Variants in SATB1 observed in about 807,000 individuals in gnomAD.
SATB1 encodes the protein DNA-binding protein SATB1.
Under a neutral mutation model 86.9 loss-of-function variants are expected in SATB1, and 11 were observed. The observed-to-expected ratio is 0.13, with a 90% CI of 0.08 to 0.21. SATB1 has a LOEUF of 0.21. Among genes scored for constraint, SATB1 ranks in the 10% least tolerant of loss-of-function variants. The pLI is 1.00. For synonymous variants in SATB1, 357 were observed against 357.2 expected (o/e 1.00, Z 0.01); for missense variants, 551 against 937.6 (o/e 0.59, Z 5.39).
chr3:18,374,143 C>CA (rs1475927208), intron 9 of SATB1, among the ~76,000 whole-genome samples: 2 of 152,134 alleles, frequency 1.3e-5, no homozygotes, highest in Non-Finnish European at 2.9e-5. Context: ...ATTCAGTATA[C>CA]AAGGCAAGGC....
chr3:18,401,297 A>T (rs1006030312), intron 5 of SATB1, among the ~76,000 whole-genome samples: 10 of 152,196 alleles, frequency 6.6e-5, no homozygotes, highest in African/African-American at 2.2e-4. Flanking sequence ...ACATAATAGC[A>T]GCTTAACTAT....
At chr3:18,357,233 A>C (rs1045380550) in intron 9 of SATB1, among the ~76,000 whole-genome samples, 1 of 151,902 alleles carries the variant, frequency 6.6e-6, no homozygotes, top group Non-Finnish European at 1.5e-5. Context: ...ATATTAAAAG[A>C]AATCAATCTA....
intron 5 of SATB1, among the ~76,000 whole-genome samples, chr3:18,401,986 T>C (rs937287072): frequency 2.0e-5 from 3 of 152,160 alleles, no homozygotes; most frequent in Admixed American, 6.6e-5. Flanking sequence ...GGGTGGAATT[T>C]TTCTAAAGCC....
At chr3:18,365,690 T>A (rs774174594) in intron 9 of SATB1, among the ~76,000 whole-genome samples, 25 of 152,148 alleles carry the variant, frequency 1.6e-4, no homozygotes, top group Non-Finnish European at 2.8e-4. Flanking sequence ...CTGATAACTT[T>A]ATATTATATG....
upstream of SATB1, among the ~76,000 whole-genome samples, chr3:18,425,816 A>AGGGAGGAGGGGCAGGACGGGCAGGAC (rs1698673773): frequency 1.6e-5 from 1 of 63,424 alleles, no homozygotes; most frequent in African/African-American, 6.1e-5. Context: ...TGTGAGTGGG[A>AGGGAGGAGGGGCAGGACGGGCAGGAC]GGGAGGAGGG....
chr3:18,398,341 T>C (rs923673934), intron 5 of SATB1, among the ~76,000 whole-genome samples: 5 of 152,122 alleles, frequency 3.3e-5, no homozygotes, highest in African/African-American at 1.2e-4. Context: ...TACCGAGTCT[T>C]AGGAGTAAGA....
In SATB1 at chr3:18,416,018, A is replaced by T. The variant is rs779139686; in HGVS notation, c.504T>A (p.Ile168=). The change falls in exon 4 of 11, where the codon ATT becomes ATA. Residue 168 remains isoleucine (I), a synonymous_variant. Transcript: ENST00000338745. ...QDVYHVVTLK[I]QLHSCPKLED... The stretch of plus-strand genomic sequence containing the variant: ...CTGTCTTGACTCACCTGTGTAACTG[A>T]ATTTTCAATGTGACCACATGATACA... 11 of 1,602,958 alleles carry T rather than the reference A, an allele frequency of 6.9e-6. No individual in the cohort carries two copies. The Admixed American group carries it at 1.9e-4, about 27-fold the overall frequency.
intron 9 of SATB1, among the ~76,000 whole-genome samples, chr3:18,369,978 G>A (rs1025211385): frequency 6.6e-6 from 1 of 152,190 alleles, no homozygotes; most frequent in African/African-American, 2.4e-5. Flanking sequence ...CAAGCGAGAG[G>A]GTGAAGGCTT....
chr3:18,444,505 T>C lies in SATB1; in HGVS notation c.-25+1013A>G, dbSNP rs1375580574. On this transcript the variant is annotated intron_variant, in intron 1 of 3. Coordinates refer to the SATB1 transcript ENST00000415069. This position sits in a 1 kb window ranked among gnomAD's most constrained non-coding sequence, Gnocchi z 5.1. ...AGCCGCCCCAATAGGGGACGAGGAGTGGGTGCTACGGAGAAGTTTGGATTG... is the reference window on the plus strand; with the variant it reads ...AGCCGCCCCAATAGGGGACGAGGAGCGGGTGCTACGGAGAAGTTTGGATTG... 1.2e-6 allele frequency: 1 copy of C among 841,066 alleles called. No homozygotes were observed. Among genetic ancestry groups the C allele is most frequent in the Non-Finnish European group, 1.4e-6 (1 of 701,892 alleles). 52.1% of individuals were successfully genotyped at this position (841,066 alleles called of 1,614,324 possible).
chr3:18,444,508 G>A lies in SATB1; in HGVS notation c.-25+1010C>T. 1.1e-6 allele frequency: 1 copy of A among 874,750 alleles called. No homozygotes were observed. The highest frequency in any genetic ancestry group is 1.4e-6 in the Non-Finnish European group (1 of 728,944). 54.2% of individuals were successfully genotyped at this position (874,750 alleles called of 1,614,324 possible). ...CGCCCCAATAGGGGACGAGGAGTGG[G>A]TGCTACGGAGAAGTTTGGATTGATT... On this transcript the variant is annotated intron_variant, in intron 1 of 3. Transcript: ENST00000415069. This position sits in a 1 kb window ranked among gnomAD's most constrained non-coding sequence, Gnocchi z 5.1.
chr3:18,351,231 G>C (rs1694342847), intron 10 of SATB1: 1 of 1,204,126 alleles, frequency 8.3e-7, no homozygotes, highest in Non-Finnish European at 1.2e-6. Context: ...TTACAGGTTT[G>C]AAAATCCTGA....
chr3:18,445,350 G>T (rs1409099671), intron 1 of SATB1: 2 of 984,976 alleles, frequency 2.0e-6, no homozygotes, highest in South Asian at 9.1e-5. Flanking sequence ...CGCGCCGGCC[G>T]GGGTGTGGGG....
At chr3:18,372,708 C>A (rs1695535219) in intron 9 of SATB1, among the ~76,000 whole-genome samples, 1 of 152,102 alleles carries the variant, frequency 6.6e-6, no homozygotes, top group Non-Finnish European at 1.5e-5. Flanking sequence ...CAATCATGTA[C>A]CTTCAAACTA....
intron 9 of SATB1, among the ~76,000 whole-genome samples, chr3:18,355,664 C>G (rs1255424316): frequency 1.3e-5 from 2 of 151,686 alleles, no homozygotes; most frequent in Admixed American, 6.6e-5. Flanking sequence ...AAAACACCAA[C>G]AAAACAAAAC....
intron 9 of SATB1, among the ~76,000 whole-genome samples, chr3:18,362,325 G>A (rs936731102): frequency 6.6e-6 from 1 of 152,088 alleles, no homozygotes; most frequent in Non-Finnish European, 1.5e-5. Context: ...CAAAGAGCTT[G>A]GAAACACCCT....
chr3:18,389,529 C>T (rs1366988334), intron 7 of SATB1, among the ~76,000 whole-genome samples: 2 of 151,978 alleles, frequency 1.3e-5, no homozygotes, highest in Admixed American at 1.3e-4. Flanking sequence ...CACCAGTTCC[C>T]ATATCCTATA....
chr3:18,391,325 T>C (rs1390017130), intron 7 of SATB1, among the ~76,000 whole-genome samples: 1 of 152,180 alleles, frequency 6.6e-6, no homozygotes, highest in East Asian at 1.9e-4. Context: ...AGAAACAGTA[T>C]CTTCATCTGA....
intron 1 of SATB1, among the ~76,000 whole-genome samples, chr3:18,438,402 A>G (rs374056438): frequency 1.3e-5 from 2 of 152,322 alleles, no homozygotes; most frequent in South Asian, 2.1e-4. Context: ...AAGAATGCCC[A>G]CTGAAGAATT....
chr3:18,345,610 T>TA lies in SATB1; in HGVS notation c.*3559dup, dbSNP rs1177191703. On this transcript the variant is annotated 3_prime_UTR_variant, in exon 11 of 11. Coordinates refer to ENST00000338745, the MANE Select transcript of SATB1 (RefSeq NM_002971.6). ...GAAACATTGAATTCATAAGCCCTCT[T>TA]AAAAAGTCAAAAATATGCATAAAGA... The TA allele has an allele frequency of 6.6e-6, 1 of 152,080 alleles. No individual in the cohort carries two copies. Among genetic ancestry groups the TA allele is most frequent in the Non-Finnish European group, 1.5e-5 (1 of 67,936 alleles). The allele number at this position is 152,080 out of a possible 1,614,324, so 9.4% of individuals were successfully genotyped here.
Sources: gnomAD v4.1 joint callset for allele counts (sites outside exome capture counted in the v4.1 genomes callset) on GRCh38, gnomAD v4.1.1 for gene constraint, Gnocchi (gnomAD v3.1) non-coding constraint, MANE v1.5 for transcripts, NCBI Gene and HGNC (gene_info 2026-07-23, HGNC 2026-07-21) for gene names.